RPP25: variants seen among roughly 807,000 people sequenced by gnomAD.
The protein encoded by RPP25 is ribonuclease P/MRP subunit p25, also known as ribonuclease P protein subunit p25.
In RPP25, 2 loss-of-function variants were observed where a neutral mutation model predicts 4.4. The observed-to-expected ratio is 0.45, with a 90% CI of 0.19 to 1.43. The LOEUF (loss-of-function observed/expected upper bound fraction) is 1.43. Ranked by LOEUF, RPP25 falls within the 40% of genes most tolerant of loss-of-function variation. The pLI, the probability that RPP25 is intolerant of heterozygous loss-of-function variation, is 0.26. For missense variants in RPP25, 319 were observed against 293.8 expected, an observed-to-expected ratio of 1.09 and a Z score of -0.63; for synonymous variants, 144 against 136.2, an observed-to-expected ratio of 1.06 and a Z score of -0.40.
Position 74,956,250 on chromosome 15 carries a change from C to T in RPP25, c.334G>A (p.Gly112Arg). ...VREVWQSLPP[G>R]PTQGQTPGEP... ...CCAGGCGTCTGACCCTGCGTGGGCC[C>T]AGGCGGGAGGCTCTGCCACACCTCG... The change falls in exon 1 of 1, where the codon GGG (glycine) becomes AGG (arginine). Residue 112 changes from glycine (G) to arginine (R), a missense_variant. Physicochemically the swap from Gly to Arg is moderately radical, Grantham distance 125. Coordinates refer to ENST00000322177, the MANE Select transcript of RPP25 (RefSeq NM_017793.3). The T allele has an allele frequency of 6.3e-7, 1 of 1,578,202 alleles. No individual in the cohort carries two copies. Among genetic ancestry groups the T allele is most frequent in the Non-Finnish European group, 8.6e-7 (1 of 1,162,540 alleles).
rs2065468495 is a variant in RPP25 at position 74,956,052 on chromosome 15, C to G, written c.532G>C (p.Ala178Pro). 1 of 1,611,236 alleles carries G rather than the reference C, an allele frequency of 6.2e-7. No individual in the cohort carries two copies. The highest frequency in any genetic ancestry group is 1.3e-5 in the African/African-American group (1 of 74,934). The change falls in exon 1 of 1, where the codon GCT (alanine) becomes CCT (proline). Residue 178 changes from alanine to proline, a missense_variant. Physicochemically the swap from Ala to Pro is conservative, Grantham distance 27 (BLOSUM62 -1). Coordinates refer to ENST00000322177, the MANE Select transcript of RPP25 (RefSeq NM_017793.3). ...GATCGCTTCGCGGAGCCTTCTCCAG[C>G]TGCGGGTTCCCCTAGGCTCCTCTTG... Reference protein sequence around the residue: ...ASKRSLGEPAAGEGSAKRSQP... With the variant: ...ASKRSLGEPAPGEGSAKRSQP...
In RPP25 at chr15:74,956,631, C is replaced by T. The variant is rs1300245321; in HGVS notation, c.-48G>A. 6 of 1,394,252 alleles carry T rather than the reference C, an allele frequency of 4.3e-6. No homozygotes were observed. The highest frequency in any genetic ancestry group is 5.5e-6 in the Non-Finnish European group (6 of 1,083,626). The allele number at this position is 1,394,252 out of a possible 1,614,324, so 86.4% of individuals were successfully genotyped here. On this transcript the variant is annotated 5_prime_UTR_variant, in exon 1 of 1. Transcript: ENST00000322177. ...CGGCTTTGCCATGGGGCGGCCTCAG[C>T]CCCGGGGCTGCATGGCCGCCGGTCG...
Position 74,955,898 on chromosome 15 carries a change from C to G in RPP25, c.*86G>C. ...GTCCAGGTTGTGGGCTCCGGAGGACCGAGGAGTGAAAGGCTGGAGGTACAT... is the reference window on the plus strand; with the variant it reads ...GTCCAGGTTGTGGGCTCCGGAGGACGGAGGAGTGAAAGGCTGGAGGTACAT... On this transcript the variant is annotated 3_prime_UTR_variant, in exon 1 of 1. Coordinates refer to ENST00000322177, the MANE Select transcript of RPP25 (RefSeq NM_017793.3). 1 of 1,549,268 alleles carries G rather than the reference C, an allele frequency of 6.5e-7. No homozygotes were observed. Among genetic ancestry groups the G allele is most frequent in the East Asian group, 2.3e-5 (1 of 43,096 alleles).
At position 74,956,734 on chromosome 15, in the gene RPP25, C is replaced by T; in HGVS notation, c.-151G>A. 2.2e-6 allele frequency: 2 copies of T among 890,688 alleles called. No homozygotes were observed. The highest frequency in any genetic ancestry group is 1.5e-6 in the Non-Finnish European group (1 of 660,102). 55.2% of individuals were successfully genotyped at this position (890,688 alleles called of 1,614,324 possible). A position where few individuals can be genotyped will look rare whatever the true frequency, so the allele number is the denominator to read the frequency against. The stretch of plus-strand genomic sequence containing the variant: ...CGGGCGGGCTGGGACGGCGCGATCT[C>T]GGCCCCACTTCTCTCGAGCGGGCGC... On this transcript the variant is annotated 5_prime_UTR_variant, in exon 1 of 1. Transcript: ENST00000322177.
In RPP25 at chr15:74,956,186, G is replaced by A; in HGVS notation, c.398C>T (p.Pro133Leu). 2 of 1,580,980 alleles carry A rather than the reference G, an allele frequency of 1.3e-6. No homozygotes were observed. The highest frequency in any genetic ancestry group is 1.7e-6 in the Non-Finnish European group (2 of 1,164,338). The change falls in exon 1 of 1, where the codon CCC becomes CTC. Residue 133 changes from proline to leucine, a missense_variant. Transcript: ENST00000322177. The stretch of plus-strand genomic sequence containing the variant: ...CTTGGAAAGTAGGATGGCGAGGCCG[G>A]GCACGTTCTTAAGTACGCTGAGACT... Reference protein sequence around the residue: ...AASLSVLKNVPGLAILLSKDA... With the variant: ...AASLSVLKNVLGLAILLSKDA...
chr15:74,955,933 G>C lies in RPP25; in HGVS notation c.*51C>G. The C allele has an allele frequency of 6.2e-7, 1 of 1,607,012 alleles. No individual in the cohort carries two copies. The highest frequency in any genetic ancestry group is 1.1e-5 in the South Asian group (1 of 90,064). On this transcript the variant is annotated 3_prime_UTR_variant, in exon 1 of 1. Coordinates refer to ENST00000322177, the MANE Select transcript of RPP25 (RefSeq NM_017793.3). The stretch of plus-strand genomic sequence containing the variant: ...AAGGCTGGAGGTACATCTGAAGGTG[G>C]AGGCGCTGGCGGAAGATCCTGCCGG...
At position 74,955,754 on chromosome 15, in the gene RPP25, G is replaced by A. The variant is rs1209575652; in HGVS notation, c.*230C>T. 2 of 584,678 alleles carry A rather than the reference G, an allele frequency of 3.4e-6. No homozygotes were observed. Among genetic ancestry groups the A allele is most frequent in the African/African-American group, 3.8e-5 (2 of 52,818 alleles). 36.2% of individuals were successfully genotyped at this position (584,678 alleles called of 1,614,324 possible). On this transcript the variant is annotated 3_prime_UTR_variant, in exon 1 of 1. Coordinates refer to ENST00000322177, the MANE Select transcript of RPP25 (RefSeq NM_017793.3). ...AAGTTCCGTGTCTTCACGCAACACG[G>A]GCATAAGCAGCAATTATCGCACGAA... is the stretch of plus-strand genomic sequence containing the variant.
At position 74,956,714 on chromosome 15, in the gene RPP25, G is replaced by T; in HGVS notation, c.-131C>A. The stretch of plus-strand genomic sequence containing the variant: ...CGGAGCAGCGCAGACGCCGGCGGGC[G>T]GGCTGGGACGGCGCGATCTCGGCCC... On this transcript the variant is annotated 5_prime_UTR_variant, in exon 1 of 1. Transcript: ENST00000322177. The T allele has an allele frequency of 9.3e-7, 1 of 1,077,756 alleles. No individual in the cohort carries two copies. The highest frequency in any genetic ancestry group is 1.2e-6 in the Non-Finnish European group (1 of 826,648). 66.8% of individuals were successfully genotyped at this position (1,077,756 alleles called of 1,614,324 possible).
rs1331811789 is a variant in RPP25, at chr15:74,956,202, C to T, written c.382G>A (p.Val128Ile). 3.8e-6 allele frequency: 6 copies of T among 1,569,826 alleles called. No individual in the cohort carries two copies. The highest frequency in any genetic ancestry group is 1.4e-5 in the African/African-American group (1 of 74,028). ...TPGEPAASLS[V>I]LKNVPGLAIL... ...GCGAGGCCGGGCACGTTCTTAAGTA[C>T]GCTGAGACTAGCGGCCGGCTCGCCA... Residue 128 changes from valine to isoleucine, a missense_variant, in exon 1 of 1, where the codon GTA (valine) becomes ATA (isoleucine). Physicochemically the swap from Val to Ile is conservative, Grantham distance 29 (BLOSUM62 3). Coordinates refer to ENST00000322177, the MANE Select transcript of RPP25 (RefSeq NM_017793.3).
Position 74,954,942 on chromosome 15 carries a change from T to G in RPP25, c.*1042A>C, listed in dbSNP as rs572022859. ...GGGACCTCAGCAGGGTCTGCCACCC[T>G]TTGCAGTGACCTCCAGGAGAGTTCA... On this transcript the variant is annotated 3_prime_UTR_variant, in exon 1 of 1. Transcript: ENST00000322177. 9 of 152,300 alleles carry G rather than the reference T, an allele frequency of 5.9e-5. No homozygotes were observed. Among genetic ancestry groups the G allele is most frequent in the Admixed American group, 5.9e-4 (9 of 15,278 alleles). The allele number at this position is 152,300 out of a possible 1,614,324, so 9.4% of individuals were successfully genotyped here.
In RPP25 at chr15:74,956,261, C is replaced by A. The variant is rs779372199; in HGVS notation, c.323G>T (p.Ser108Ile). 2 of 1,583,956 alleles carry A rather than the reference C, an allele frequency of 1.3e-6. No individual in the cohort carries two copies. The highest frequency in any genetic ancestry group is 1.7e-6 in the Non-Finnish European group (2 of 1,166,276). Residue 108 changes from serine (S) to isoleucine (I), a missense_variant, in exon 1 of 1, where the codon AGC becomes ATC. Ser to Ile is a moderately radical substitution (Grantham distance 142). Transcript: ENST00000322177. The part of the protein sequence containing the change: ...RYRSVREVWQ[S>I]LPPGPTQGQT... ...ACCCTGCGTGGGCCCAGGCGGGAGGCTCTGCCACACCTCGCGTACGCTCCG... is the reference window on the plus strand; with the variant it reads ...ACCCTGCGTGGGCCCAGGCGGGAGGATCTGCCACACCTCGCGTACGCTCCG...
rs1216561254 is a variant in RPP25, at chr15:74,955,902, G to A, written c.*82C>T. ...AGGTTGTGGGCTCCGGAGGACCGAGGAGTGAAAGGCTGGAGGTACATCTGA... is the reference window on the plus strand; with the variant it reads ...AGGTTGTGGGCTCCGGAGGACCGAGAAGTGAAAGGCTGGAGGTACATCTGA... On this transcript the variant is annotated 3_prime_UTR_variant, in exon 1 of 1. Transcript: ENST00000322177. 10 of 1,564,018 alleles carry A rather than the reference G, an allele frequency of 6.4e-6. No individual in the cohort carries two copies. Among genetic ancestry groups the A allele is most frequent in the Non-Finnish European group, 8.7e-6 (10 of 1,153,128 alleles).
rs1299138899 is a variant in RPP25 at position 74,955,088 on chromosome 15, G to C, written c.*896C>G. On this transcript the variant is annotated 3_prime_UTR_variant, in exon 1 of 1. Coordinates refer to ENST00000322177, the MANE Select transcript of RPP25 (RefSeq NM_017793.3). ...CATTTGCAACAGCCTCTGAGGCCAGGGCCAGCCCGGGAGGGCGGAGTGGGG... is the reference window on the plus strand; with the variant it reads ...CATTTGCAACAGCCTCTGAGGCCAGCGCCAGCCCGGGAGGGCGGAGTGGGG... 3 of 152,948 alleles carry C rather than the reference G, an allele frequency of 2.0e-5. No homozygotes were observed. Among genetic ancestry groups the C allele is most frequent in the Non-Finnish European group, 4.4e-5 (3 of 68,624 alleles). 9.5% of individuals were successfully genotyped at this position (152,948 alleles called of 1,614,324 possible).
At position 74,954,860 on chromosome 15, in the gene RPP25, G is replaced by C. The variant is rs959446565; in HGVS notation, c.*1124C>G. 2.0e-5 allele frequency: 3 copies of C among 152,302 alleles called. No individual in the cohort carries two copies. The highest frequency in any genetic ancestry group is 7.2e-5 in the African/African-American group (3 of 41,470). 9.4% of individuals were successfully genotyped at this position (152,302 alleles called of 1,614,324 possible). A position where few individuals can be genotyped will look rare whatever the true frequency, so the allele number is the denominator to read the frequency against. On this transcript the variant is annotated 3_prime_UTR_variant, in exon 1 of 1. Transcript: ENST00000322177. ...GGAGATCCTACCCACAGAGCTGGGG[G>C]CTTTGTGCCAGCCTTCTGGGTAAGG...
chr15:74,955,820 G>A lies in RPP25; in HGVS notation c.*164C>T. ...TCGGGGATCCTCTCCTGCCACTCCT[G>A]GGGCCCCTCTCTTGTCGCCTTAAGG... On this transcript the variant is annotated 3_prime_UTR_variant, in exon 1 of 1. Transcript: ENST00000322177. 1 of 991,736 alleles carries A rather than the reference G, an allele frequency of 1.0e-6. No individual in the cohort carries two copies. The highest frequency in any genetic ancestry group is 1.4e-6 in the Non-Finnish European group (1 of 695,314). The allele number at this position is 991,736 out of a possible 1,614,324, so 61.4% of individuals were successfully genotyped here.
chr15:74,956,729 G>C lies in RPP25; in HGVS notation c.-146C>G. ...GCCGGCGGGCGGGCTGGGACGGCGC[G>C]ATCTCGGCCCCACTTCTCTCGAGCG... On this transcript the variant is annotated 5_prime_UTR_variant, in exon 1 of 1. It adds an upstream start codon to the 5' untranslated region. Coordinates refer to ENST00000322177, the MANE Select transcript of RPP25 (RefSeq NM_017793.3). 2.1e-6 allele frequency: 2 copies of C among 931,262 alleles called. No homozygotes were observed. Among genetic ancestry groups the C allele is most frequent in the Non-Finnish European group, 2.9e-6 (2 of 696,010 alleles). 57.7% of individuals were successfully genotyped at this position (931,262 alleles called of 1,614,324 possible).
At position 74,954,922 on chromosome 15, in the gene RPP25, C is replaced by T. The variant is rs1283885681; in HGVS notation, c.*1062G>A. Reference sequence around the variant, plus strand: ...GTCTGGAGGCTGCAGATTCAGGGACCTCAGCAGGGTCTGCCACCCTTTGCA... The same window carrying T: ...GTCTGGAGGCTGCAGATTCAGGGACTTCAGCAGGGTCTGCCACCCTTTGCA... On this transcript the variant is annotated 3_prime_UTR_variant, in exon 1 of 1. Coordinates refer to ENST00000322177, the MANE Select transcript of RPP25 (RefSeq NM_017793.3). The T allele has an allele frequency of 6.6e-6, 1 of 152,326 alleles. No homozygotes were observed. Among genetic ancestry groups the T allele is most frequent in the African/African-American group, 2.4e-5 (1 of 41,450 alleles). 9.4% of individuals were successfully genotyped at this position (152,326 alleles called of 1,614,324 possible). A position where few individuals can be genotyped will look rare whatever the true frequency, so the allele number is the denominator to read the frequency against.
At position 74,956,016 on chromosome 15, in the gene RPP25, G is replaced by A. The variant is rs145309524; in HGVS notation, c.568C>T (p.Pro190Ser). The A allele has an allele frequency of 5.6e-6, 9 of 1,612,440 alleles. No homozygotes were observed. The Admixed American group carries it at 6.7e-5, about 12-fold the overall frequency. ...EGSAKRSQPE[P>S]GVADEDQTA Reference sequence around the variant, plus strand: ...GTCTGATCCTCGTCCGCAACCCCTGGCTCGGGTTGCGATCGCTTCGCGGAG... The same window carrying A: ...GTCTGATCCTCGTCCGCAACCCCTGACTCGGGTTGCGATCGCTTCGCGGAG... The change falls in exon 1 of 1, where the codon CCA (proline) becomes TCA (serine). Residue 190 changes from proline (P) to serine (S), a missense_variant. Coordinates refer to ENST00000322177, the MANE Select transcript of RPP25 (RefSeq NM_017793.3).
rs781211201 is a variant in RPP25 at position 74,956,046 on chromosome 15, C to A, written c.538G>T (p.Glu180Ter). The A allele has an allele frequency of 6.8e-6, 11 of 1,611,536 alleles. No individual in the cohort carries two copies. The South Asian group carries it at 1.2e-4, about 18-fold the overall frequency. ...KRSLGEPAAG[E>*]GSAKRSQPEP... ...GGTTGCGATCGCTTCGCGGAGCCTT[C>A]TCCAGCTGCGGGTTCCCCTAGGCTC... The change falls in exon 1 of 1, where the codon GAA becomes TAA. Residue 180 changes from glutamate to a stop codon, truncating the protein, a stop_gained. Transcript: ENST00000322177. LOFTEE classifies it high-confidence loss of function.
Sources: allele counts gnomAD v4.1 joint callset, GRCh38; gene constraint gnomAD v4.1.1; transcripts MANE v1.5; gene names NCBI Gene and HGNC (gene_info 2026-07-23, HGNC 2026-07-21).